Variants in TTLL7 observed in about 807,000 individuals in gnomAD.
TTLL7 encodes the protein tubulin polyglutamylase TTLL7.
Under a neutral mutation model 120.2 loss-of-function variants are expected in TTLL7, and 53 were observed. The observed-to-expected ratio is 0.44, with a 90% CI of 0.35 to 0.55. The LOEUF is 0.55. Ranked by LOEUF, TTLL7 falls within the 20% of genes least tolerant of loss-of-function variation. TTLL7 has a pLI of 0.00. For missense variants in TTLL7, 803 were observed against 1,054.7 expected, an observed-to-expected ratio of 0.76 and a Z score of 3.31; for synonymous variants, 353 against 351.7, an observed-to-expected ratio of 1.00 and a Z score of -0.04.
At chr1:83,985,809 A>G (rs1028564405) in intron 1 of TTLL7, among the ~76,000 whole-genome samples, 2 of 152,212 alleles carry the variant, frequency 1.3e-5, no homozygotes, top group African/African-American at 4.8e-5. Context: ...TCAACAACTT[A>G]GCAAAACTAA....
chr1:83,903,410 AT>A (rs1034839184), intron 18 of TTLL7, among the ~76,000 whole-genome samples: 6 of 151,650 alleles, frequency 4.0e-5, no homozygotes, highest in South Asian at 4.2e-4. Context: ...CCTTCCCTCT[AT>A]TTTTTTATCT....
At chr1:83,967,000 T>A (rs978940681) in intron 1 of TTLL7, among the ~76,000 whole-genome samples, 1 of 152,164 alleles carries the variant, frequency 6.6e-6, no homozygotes, top group Admixed American at 6.5e-5. Flanking sequence ...TGAAGAAGTT[T>A]ACAGAATGCC....
chr1:83,908,723 C>T (rs1657424823), intron 15 of TTLL7, among the ~76,000 whole-genome samples: 2 of 151,558 alleles, frequency 1.3e-5, no homozygotes, highest in Admixed American at 1.3e-4. Flanking sequence ...TCTTTCTCTG[C>T]TTGAGGAATA....
chr1:83,930,891 A>G (rs767543456), intron 9 of TTLL7, among the ~76,000 whole-genome samples: 5 of 152,010 alleles, frequency 3.3e-5, no homozygotes, highest in African/African-American at 9.7e-5. Flanking sequence ...TCCCTCTACT[A>G]TAAGATAAAT....
At chr1:83,896,821 C>T (rs1305215177) in intron 18 of TTLL7, among the ~76,000 whole-genome samples, 1 of 152,068 alleles carries the variant, frequency 6.6e-6, no homozygotes, top group Non-Finnish European at 1.5e-5. Context: ...GTTTAGGTAT[C>T]ACATCAGATA....
chr1:83,966,964 G>C (rs1470372781), intron 1 of TTLL7, among the ~76,000 whole-genome samples: 1 of 152,120 alleles, frequency 6.6e-6, no homozygotes, highest in East Asian at 1.9e-4. Flanking sequence ...ATCAAGAAGA[G>C]ATTCAGAGGA....
chr1:83,973,297 G>C (rs1160613888), intron 1 of TTLL7, among the ~76,000 whole-genome samples: 3 of 152,030 alleles, frequency 2.0e-5, no homozygotes, highest in African/African-American at 7.2e-5. Context: ...GTGATGTCTA[G>C]TTGTTCCAGC....
intron 1 of TTLL7, among the ~76,000 whole-genome samples, chr1:83,986,513 T>C (rs1652457765): frequency 6.6e-6 from 1 of 152,158 alleles, no homozygotes; most frequent in Non-Finnish European, 1.5e-5. Context: ...ATAATTAGCA[T>C]TACATTTAAT....
chr1:83,930,149 T>TTTTG (rs1428859744), intron 9 of TTLL7, among the ~76,000 whole-genome samples: 2 of 152,180 alleles, frequency 1.3e-5, no homozygotes. Flanking sequence ...ATCCCACTAC[T>TTTTG]TAACACTTAG....
intron 19 of TTLL7, among the ~76,000 whole-genome samples, chr1:83,885,893 G>A (rs1654933753): frequency 6.6e-6 from 1 of 151,942 alleles, no homozygotes. Flanking sequence ...AAGAACCCCA[G>A]GTCTCATCTA....
chr1:83,974,542 A>G (rs996273957), intron 1 of TTLL7, among the ~76,000 whole-genome samples: 77 of 152,136 alleles, frequency 5.1e-4, no homozygotes, highest in Admixed American at 7.9e-4. Flanking sequence ...ATACAATGAA[A>G]AATATGGATC....
At chr1:83,931,334 G>T (rs1054834616) in intron 9 of TTLL7, among the ~76,000 whole-genome samples, 15 of 151,990 alleles carry the variant, frequency 9.9e-5, no homozygotes, top group Admixed American at 3.3e-4. Flanking sequence ...AATAGCTTCT[G>T]TGCTCCTAAG....
chr1:83,929,123 G>C lies in TTLL7; in HGVS notation c.1142+13C>G, dbSNP rs773334906. ...TGGAGATAAATGTCCAAAAGATAGAGAGAGTATTTTACCTTATGTTTAGTA... is the reference window on the plus strand; with the variant it reads ...TGGAGATAAATGTCCAAAAGATAGACAGAGTATTTTACCTTATGTTTAGTA... On this transcript the variant is annotated intron_variant, in intron 10 of 20. Coordinates refer to ENST00000260505, the MANE Select transcript of TTLL7 (RefSeq NM_024686.6). The C allele has an allele frequency of 7.0e-6, 11 of 1,562,750 alleles. No homozygotes were observed. The East Asian group carries it at 1.6e-4, about 23-fold the overall frequency.
intron 1 of TTLL7, among the ~76,000 whole-genome samples, chr1:83,974,560 T>C (rs751447581): frequency 6.6e-6 from 1 of 151,994 alleles, no homozygotes; most frequent in Admixed American, 6.6e-5. Context: ...ATCTTGTTAA[T>C]AAACATAAGG....
intron 20 of TTLL7, 96 bp downstream of exon 20, chr1:83,882,867 C>T: frequency 7.3e-7 from 1 of 1,378,452 alleles, no homozygotes; most frequent in Non-Finnish European, 1.0e-6. Flanking sequence ...AGCTTTTTCT[C>T]TAGTCACATA....
chr1:83,906,557 T>C (rs761222217), intron 16 of TTLL7, 94 bp from the exon 17 acceptor site: 2 of 1,559,288 alleles, frequency 1.3e-6, no homozygotes, highest in South Asian at 2.3e-5. Flanking sequence ...ATGATGCACT[T>C]TTAACTGAAA....
intron 18 of TTLL7, among the ~76,000 whole-genome samples, chr1:83,892,766 G>A (rs62646654): frequency 0.21 from 5,895 of 28,642 alleles, 950 homozygotes; most frequent in Middle Eastern, 0.37. Flanking sequence ...ATATATATGA[G>A]CGCATATGTG....
At chr1:83,951,611 A>G (rs2100862554) in intron 3 of TTLL7, among the ~76,000 whole-genome samples, 1 of 152,336 alleles carries the variant, frequency 6.6e-6, no homozygotes, top group South Asian at 2.1e-4. Flanking sequence ...CTGTCTAATC[A>G]TATTAAGTGT....
At chr1:83,931,820 A>T (rs1557671545) in intron 9 of TTLL7, among the ~76,000 whole-genome samples, 1 of 152,210 alleles carries the variant, frequency 6.6e-6, no homozygotes, top group Non-Finnish European at 1.5e-5. Flanking sequence ...ACTAAAAGTT[A>T]TCACATACCC....
Sources: gnomAD v4.1 joint callset for allele counts (sites outside exome capture counted in the v4.1 genomes callset) on GRCh38, gnomAD v4.1.1 for gene constraint, MANE v1.5 for transcripts, NCBI Gene and HGNC (gene_info 2026-07-23, HGNC 2026-07-21) for gene names.